NAV2: variants seen among roughly 807,000 people sequenced by gnomAD.
The protein encoded by NAV2 is neuron navigator 2.
Under a neutral mutation model 223.2 loss-of-function variants are expected in NAV2, and 54 were observed. The observed-to-expected ratio is 0.24, with a 90% confidence interval of 0.19 to 0.30. NAV2 has a LOEUF of 0.30. NAV2 is among the 10% of genes least tolerant of loss of function. The pLI is 1.00. For synonymous variants in NAV2, 1,279 were observed against 1,239.3 expected (o/e 1.03, Z -0.67); for missense variants, 2,806 against 3,147.5 (o/e 0.89, Z 2.60).
intron 1 of NAV2, among the ~76,000 whole-genome samples, chr11:19,821,128 G>A (rs568672336): frequency 7.9e-5 from 12 of 152,240 alleles, no homozygotes; most frequent in African/African-American, 2.4e-4. Context: ...CAGGCGTGGT[G>A]GCAGGCACCT....
intron 1 of NAV2, among the ~76,000 whole-genome samples, chr11:19,460,059 C>G (rs1234030438): frequency 6.6e-6 from 1 of 152,198 alleles, no homozygotes; most frequent in Non-Finnish European, 1.5e-5. Flanking sequence ...CTTTCTTTGC[C>G]TCAGTTTTCT....
chr11:19,768,301 T>C (rs1024663320), intron 1 of NAV2, among the ~76,000 whole-genome samples: 3 of 152,180 alleles, frequency 2.0e-5, no homozygotes, highest in Admixed American at 1.3e-4. Flanking sequence ...GCCCTTCCTC[T>C]GGGGGCTTCT....
rs984523156 is a variant in NAV2, at chr11:19,892,785, T to C, written c.931+191T>C. Among the ~76,000 whole-genome samples the C allele has an allele frequency of 1.1e-4, 17 of 152,320 alleles. 1 individual carries two copies. The East Asian group carries it at 1.2e-3, about 10-fold the overall frequency. ...AATAAAGTGGGGGAAAATATTGTTA[T>C]AGTCACTAGCAAAAATAATTTGCTA... is the stretch of plus-strand genomic sequence containing the variant. On this transcript the variant is annotated intron_variant, in intron 6 of 37. Coordinates refer to ENST00000349880, the MANE Select transcript of NAV2 (RefSeq NM_145117.5).
intron 11 of NAV2, among the ~76,000 whole-genome samples, chr11:20,013,433 C>T (rs768424679): frequency 3.3e-5 from 5 of 151,768 alleles, no homozygotes; most frequent in African/African-American, 7.2e-5. Flanking sequence ...CTAGCCTTCC[C>T]GCTAGGCAAA....
intron 1 of NAV2, among the ~76,000 whole-genome samples, chr11:19,501,075 G>C (rs751498060): frequency 2.0e-5 from 3 of 152,020 alleles, no homozygotes; most frequent in Non-Finnish European, 2.9e-5. Context: ...TTTGTTCATG[G>C]CTCCTCCTTC....
intron 35 of NAV2, among the ~76,000 whole-genome samples, chr11:20,106,183 GTATA>G (rs1182631250): frequency 0.12 from 3,059 of 25,404 alleles, 468 homozygotes; most frequent in East Asian, 0.26. Context: ...ATATGTGTGT[GTATA>G]TATATATATA....
chr11:20,079,337 G>A (rs550324919), intron 24 of NAV2, among the ~76,000 whole-genome samples: 157 of 152,258 alleles, frequency 1.0e-3, no homozygotes, highest in African/African-American at 3.6e-3. Flanking sequence ...CACTACACCC[G>A]GCCGAGGGTC....
intron 1 of NAV2, among the ~76,000 whole-genome samples, chr11:19,788,747 A>C (rs1474004754): frequency 1.3e-5 from 2 of 152,110 alleles, no homozygotes; most frequent in Non-Finnish European, 2.9e-5. Flanking sequence ...CACCAAGCTC[A>C]TTCTCACCTG....
intron 1 of NAV2, among the ~76,000 whole-genome samples, chr11:19,466,984 T>TCTACACACACACACAC (rs200910419): frequency 1.4e-4 from 17 of 125,138 alleles, no homozygotes; most frequent in Admixed American, 3.3e-4. Context: ...TCTCTCTCTC[T>TCTACACACACACACAC]ACACACACAC....
At chr11:19,716,288 C>T (rs371610554) in intron 1 of NAV2, among the ~76,000 whole-genome samples, 4 of 152,074 alleles carry the variant, frequency 2.6e-5, no homozygotes, top group East Asian at 3.8e-4. Flanking sequence ...AGATGGGTAT[C>T]GCTGGTGTCT....
intron 1 of NAV2, among the ~76,000 whole-genome samples, chr11:19,554,070 T>C (rs1314071139): frequency 6.6e-6 from 1 of 152,186 alleles, no homozygotes. Context: ...TTTTTTGTTT[T>C]TGAAATTCTG....
chr11:19,421,546 A>G (rs1365903712), intron 1 of NAV2, among the ~76,000 whole-genome samples: 2 of 152,162 alleles, frequency 1.3e-5, no homozygotes, highest in South Asian at 2.1e-4. Flanking sequence ...TATGTATATT[A>G]TTGCTTAGGA....
intron 1 of NAV2, among the ~76,000 whole-genome samples, chr11:19,669,178 T>C (rs10833151): frequency 0.74 from 113,187 of 152,104 alleles, 46,926 homozygotes; most frequent in East Asian, 0.93. Flanking sequence ...TGAAAGGCCA[T>C]TTAATTGCAC....
intron 6 of NAV2, among the ~76,000 whole-genome samples, chr11:19,898,534 C>T (rs188201753): frequency 6.8e-4 from 104 of 152,286 alleles, no homozygotes; most frequent in Admixed American, 1.4e-3. Context: ...ATTCTTTCTT[C>T]CTAATAGTCA....
At chr11:20,000,668 G>T (rs1219615337) in intron 11 of NAV2, among the ~76,000 whole-genome samples, 1 of 152,156 alleles carries the variant, frequency 6.6e-6, no homozygotes, top group Non-Finnish European at 1.5e-5. Context: ...GGCCTTGAAT[G>T]TCCCTGCAGG....
At chr11:19,809,129 G>A (rs1341450629) in intron 1 of NAV2, among the ~76,000 whole-genome samples, 2 of 152,068 alleles carry the variant, frequency 1.3e-5, no homozygotes, top group Admixed American at 6.5e-5. Flanking sequence ...CTTCTTTTTT[G>A]TTAAGTCCTT....
At position 20,118,212 on chromosome 11, in the gene NAV2, G is replaced by A. The variant is rs751881719; in HGVS notation, c.7244G>A (p.Ser2415Asn). 6.8e-6 allele frequency: 11 copies of A among 1,613,928 alleles called. No individual in the cohort carries two copies. The highest frequency in any genetic ancestry group is 9.3e-6 in the Non-Finnish European group (11 of 1,179,994). ...QSYDSDSNSN[S>N]HHDDILDSSL... is the part of the protein sequence containing the mutation. ...TATGACAGCGACTCCAACAGCAACAGCCATCACGATGACATCTTGGACTCC... is the reference window on the plus strand; with the variant it reads ...TATGACAGCGACTCCAACAGCAACAACCATCACGATGACATCTTGGACTCC... Residue 2415 changes from serine to asparagine, a missense_variant, in exon 38 of 38, where the codon AGC (serine) becomes AAC (asparagine). By Grantham distance (46) the Ser-to-Asn change is conservative. This residue lies in a region of NAV2 where 824 missense variants were observed against 1,069.4 expected (regional missense o/e 0.77). Coordinates refer to ENST00000349880, the MANE Select transcript of NAV2 (RefSeq NM_145117.5).
intron 1 of NAV2, among the ~76,000 whole-genome samples, chr11:19,832,038 T>C (rs1175933603): frequency 2.0e-5 from 3 of 152,140 alleles, no homozygotes; most frequent in Non-Finnish European, 4.4e-5. Context: ...TCAATAGCCC[T>C]CCTTACCCTG....
At chr11:19,464,793 ACTTG>A in intron 1 of NAV2, among the ~76,000 whole-genome samples, 3 of 152,218 alleles carry the variant, frequency 2.0e-5, no homozygotes, top group Non-Finnish European at 4.4e-5. Flanking sequence ...GCAGGCCCAC[ACTTG>A]AAAATGGACT....
Sources: gnomAD v4.1 joint callset for allele counts (sites outside exome capture counted in the v4.1 genomes callset) on GRCh38, gnomAD v4.1.1 for gene constraint, gnomAD v4.1.1 regional missense constraint, MANE v1.5 for transcripts, NCBI Gene and HGNC (gene_info 2026-07-23, HGNC 2026-07-21) for gene names.